Variants in ZC3HAV1 observed in about 807,000 individuals in gnomAD.
ZC3HAV1 encodes the protein zinc finger CCCH-type containing, antiviral 1.
A neutral mutation model predicts 86.6 loss-of-function variants in ZC3HAV1; 41 were observed. The ratio of observed to expected loss-of-function variants is 0.47; its 90% confidence interval spans 0.37 to 0.61. The LOEUF (loss-of-function observed/expected upper bound fraction) is 0.61, where lower values mean the gene tolerates loss of function less well. Among genes scored for constraint, ZC3HAV1 ranks in the 20% least tolerant of loss-of-function variants. The probability of loss-of-function intolerance (pLI) is 0.00; values close to 1 mark genes in which losing one functional copy is unlikely to be tolerated. For synonymous variants in ZC3HAV1, 421 were observed against 432.1 expected (o/e 0.97, Z 0.32); for missense variants, 964 against 1,141.1 (o/e 0.84, Z 2.24).
In ZC3HAV1 at chr7:139,108,419, G is replaced by T. The variant is rs1168040779; in HGVS notation, c.308+605C>A. ...GAGACCACCCGGAGGGAAGGCCCGC[G>T]GCTGCTACAACTTCAGGAACCTGGA... is the stretch of plus-strand genomic sequence containing the variant. On this transcript the variant is annotated intron_variant, in intron 1 of 12. Transcript: ENST00000242351. This position sits in a 1 kb window ranked among gnomAD's most constrained non-coding sequence, Gnocchi z 4.2. 6.6e-6 allele frequency among the ~76,000 whole-genome samples: 1 copy of T among 152,048 alleles called. No homozygotes were observed. The highest frequency in any genetic ancestry group is 1.5e-5 in the Non-Finnish European group (1 of 67,992).
intron 1 of ZC3HAV1, among the ~76,000 whole-genome samples, chr7:139,107,276 A>T (rs1277323279): frequency 6.6e-6 from 1 of 152,218 alleles, no homozygotes; most frequent in Non-Finnish European, 1.5e-5. Context: ...ACTCAGAAAC[A>T]ACCTTCAAAT....
At position 139,077,304 on chromosome 7, in the gene ZC3HAV1, C is replaced by T. The variant is rs560604911; in HGVS notation, c.1574-895G>A. On this transcript the variant is annotated intron_variant, in intron 5 of 12. Transcript: ENST00000242351. ...TGTCGCCCAGGCTGGAGTGCAATGGCGCAGTCTTGGCTCACTGCAACCTCC... is the reference window on the plus strand; with the variant it reads ...TGTCGCCCAGGCTGGAGTGCAATGGTGCAGTCTTGGCTCACTGCAACCTCC... Among the ~76,000 whole-genome samples the T allele has an allele frequency of 4.5e-4, 69 of 152,304 alleles. 1 individual carries two copies. Among genetic ancestry groups the T allele is most frequent in the African/African-American group, 1.5e-3 (61 of 41,574 alleles).
At chr7:139,100,775 G>GTCTCCC (rs1278716094) in intron 1 of ZC3HAV1, among the ~76,000 whole-genome samples, 3 of 131,412 alleles carry the variant, frequency 2.3e-5, no homozygotes, top group South Asian at 2.4e-4. Flanking sequence ...TCTTTCCACG[G>GTCTCCC]TCTCCCTCTC....
intron 7 of ZC3HAV1, among the ~76,000 whole-genome samples, chr7:139,071,006 T>C (rs180710369): frequency 2.0e-5 from 3 of 152,058 alleles, no homozygotes; most frequent in Non-Finnish European, 4.4e-5. Context: ...CTCAGGAAGT[T>C]TCTTGATGTT....
chr7:139,072,760 T>C (rs1170447950), intron 7 of ZC3HAV1, among the ~76,000 whole-genome samples: 1 of 152,190 alleles, frequency 6.6e-6, no homozygotes, highest in Non-Finnish European at 1.5e-5. Context: ...GTAGTGACTA[T>C]CTGTACCAGA....
Position 139,061,081 on chromosome 7 carries a change from G to A in ZC3HAV1, c.2051C>T (p.Thr684Ile). 2 of 1,613,712 alleles carry A rather than the reference G, an allele frequency of 1.2e-6. No individual in the cohort carries two copies. The highest frequency in any genetic ancestry group is 1.7e-5 in the Admixed American group (1 of 59,960). ...CTGCACATACCACTGAGGCACAAAT[G>A]TTGGTCTTCTGATGACATCCTTTTG... ...KTQKDVIRRP[T>I]FVPQWYVQQM... Residue 684 changes from threonine to isoleucine, a missense_variant, in exon 9 of 13, where the codon ACA becomes ATA. Thr to Ile is a moderately conservative substitution (Grantham distance 89). Transcript: ENST00000242351.
chr7:139,083,936 T>A lies in ZC3HAV1; in HGVS notation c.541A>T (p.Asn181Tyr). ...CGGAGGCAGTTGGGAAAACGACAGT[T>A]CCCTCGGGTGAAGTGGTCACAGATG... is the stretch of plus-strand genomic sequence containing the variant. ...LHICDHFTRG[N>Y]CRFPNCLRSH... is the part of the protein sequence containing the mutation. The change falls in exon 3 of 13, where the codon AAC (asparagine) becomes TAC (tyrosine). Residue 181 changes from asparagine (N) to tyrosine (Y), a missense_variant. Coordinates refer to ENST00000242351, the MANE Select transcript of ZC3HAV1 (RefSeq NM_020119.4). 1 of 1,614,024 alleles carries A rather than the reference T, an allele frequency of 6.2e-7. No homozygotes were observed. Among genetic ancestry groups the A allele is most frequent in the Non-Finnish European group, 8.5e-7 (1 of 1,180,004 alleles).
chr7:139,078,374 C>CA lies in ZC3HAV1; in HGVS notation c.1573+177dup, dbSNP rs201569292. ...ATAGCCACTATGAATAATAGTTCCT[C>CA]AAAAAAAAAAATTAAACATAGAAGT... is the stretch of plus-strand genomic sequence containing the variant. On this transcript the variant is annotated intron_variant, in intron 5 of 12. Transcript: ENST00000242351. Among the ~76,000 whole-genome samples the CA allele has an allele frequency of 1.3e-3, 198 of 146,816 alleles. 3 individuals carry two copies. Among genetic ancestry groups the CA allele is most frequent in the African/African-American group, 3.9e-3 (156 of 40,246 alleles).
intron 9 of ZC3HAV1, among the ~76,000 whole-genome samples, chr7:139,057,265 G>A (rs1816312351): frequency 6.6e-6 from 1 of 151,946 alleles, no homozygotes; most frequent in African/African-American, 2.4e-5. Flanking sequence ...GGCTAAGGCA[G>A]GAGAATCACA....
In ZC3HAV1 at chr7:139,109,084, T is replaced by C. The variant is rs775680381; in HGVS notation, c.248A>G (p.Asp83Gly). 21 of 1,592,472 alleles carry C rather than the reference T, an allele frequency of 1.3e-5. No individual in the cohort carries two copies. The Admixed American group carries it at 3.3e-4, about 25-fold the overall frequency. Reference protein sequence around the residue: ...CRRKYCQRPCDNLHLCKLNLL... With the variant: ...CRRKYCQRPCGNLHLCKLNLL... ...GTTGAGTTTGCAGAGATGCAGGTTATCGCAGGGTCTCTGGCAGTACTTGCG... is the reference window on the plus strand; with the variant it reads ...GTTGAGTTTGCAGAGATGCAGGTTACCGCAGGGTCTCTGGCAGTACTTGCG... Residue 83 changes from aspartate to glycine, a missense_variant, in exon 1 of 13, where the codon GAT becomes GGT. Asp to Gly is a moderately conservative substitution (Grantham distance 94). Transcript: ENST00000242351.
At chr7:139,106,022 T>C (rs10240999) in intron 1 of ZC3HAV1, among the ~76,000 whole-genome samples, 3,465 of 152,238 alleles carry the variant, frequency 0.023, 151 homozygotes, top group African/African-American at 0.079. Flanking sequence ...ATTAAAAATA[T>C]GGCTCTGCCA....
At chr7:139,066,869 C>T (rs992269786) in intron 7 of ZC3HAV1, among the ~76,000 whole-genome samples, 9 of 152,122 alleles carry the variant, frequency 5.9e-5, no homozygotes, top group South Asian at 2.1e-4. Context: ...CTTAAAAGGC[C>T]GGAGACTTTC....
At chr7:139,091,619 G>A (rs1817438035) in intron 1 of ZC3HAV1, among the ~76,000 whole-genome samples, 1 of 151,998 alleles carries the variant, frequency 6.6e-6, no homozygotes, top group Admixed American at 6.6e-5. Context: ...TACCATTAAT[G>A]TTTTCTTTTC....
At chr7:139,105,032 C>CAAAAAAAA (rs34053904) in intron 1 of ZC3HAV1, among the ~76,000 whole-genome samples, 2 of 72,812 alleles carry the variant, frequency 2.7e-5, no homozygotes, top group Non-Finnish European at 2.8e-5. Flanking sequence ...GACTCTGTCT[C>CAAAAAAAA]AAAAAAAAAA....
At chr7:139,092,164 T>G (rs1817456312) in intron 1 of ZC3HAV1, among the ~76,000 whole-genome samples, 1 of 152,192 alleles carries the variant, frequency 6.6e-6, no homozygotes, top group Non-Finnish European at 1.5e-5. Context: ...ACTTTGGGCG[T>G]TATCAATCGG....
intron 1 of ZC3HAV1, among the ~76,000 whole-genome samples, chr7:139,093,172 A>AAAAT (rs769094633): frequency 2.1e-4 from 32 of 152,214 alleles, no homozygotes; most frequent in Non-Finnish European, 3.8e-4. Context: ...CAAAGGTGAC[A>AAAAT]GATAAGAGGA....
intron 9 of ZC3HAV1, among the ~76,000 whole-genome samples, chr7:139,059,483 G>A (rs1816384582): frequency 6.6e-6 from 1 of 152,016 alleles, no homozygotes; most frequent in South Asian, 2.1e-4. Context: ...TGAGCATAGT[G>A]CCATGTGCCT....
chr7:139,079,898 T>G lies in ZC3HAV1; in HGVS notation c.1043A>C (p.Tyr348Ser). The G allele has an allele frequency of 6.2e-7, 1 of 1,614,126 alleles. No individual in the cohort carries two copies. The highest frequency in any genetic ancestry group is 1.1e-5 in the South Asian group (1 of 91,078). Residue 348 changes from tyrosine (Y) to serine (S), a missense_variant, in exon 4 of 13, where the codon TAC becomes TCC. Physicochemically the swap from Tyr to Ser is moderately radical, Grantham distance 144. Coordinates refer to ENST00000242351, the MANE Select transcript of ZC3HAV1 (RefSeq NM_020119.4). The part of the protein sequence containing the change: ...DLLHGNPGST[Y>S]LASNSTSAPN... Reference sequence around the variant, plus strand: ...GGCTGATGTTGAATTGGAAGCAAGGTAAGTGCTGCCTGGATTTCCATGCAA... The same window carrying G: ...GGCTGATGTTGAATTGGAAGCAAGGGAAGTGCTGCCTGGATTTCCATGCAA...
At position 139,076,311 on chromosome 7, in the gene ZC3HAV1, C is replaced by A; in HGVS notation, c.1672G>T (p.Gly558Cys). 6.2e-7 allele frequency: 1 copy of A among 1,614,152 alleles called. No individual in the cohort carries two copies. The highest frequency in any genetic ancestry group is 1.3e-5 in the African/African-American group (1 of 75,018). Residue 558 changes from glycine to cysteine, a missense_variant, in exon 6 of 13, where the codon GGC becomes TGC. Physicochemically the swap from Gly to Cys is radical, Grantham distance 159. Coordinates refer to ENST00000242351, the MANE Select transcript of ZC3HAV1 (RefSeq NM_020119.4). The stretch of plus-strand genomic sequence containing the variant: ...AGGTGGATTCCGGGGTTACAGTAGC[C>A]TTTCTCGATCGTCTCCATGTGCTCA... ...DFEHMETIEKGYCNPGIHLCS... is the reference protein window; with the variant it reads ...DFEHMETIEKCYCNPGIHLCS...
Sources: allele counts gnomAD v4.1 joint callset (sites outside exome capture counted in the v4.1 genomes callset), GRCh38; gene constraint gnomAD v4.1.1; non-coding constraint Gnocchi (gnomAD v3.1); transcripts MANE v1.5; gene names NCBI Gene and HGNC (gene_info 2026-07-23, HGNC 2026-07-21).